Variants in SHISA9 observed in about 807,000 individuals in gnomAD.
SHISA9 encodes the protein shisa family member 9, also known as protein shisa-9.
SHISA9 carries 13 observed loss-of-function variants against 38.0 expected under a neutral mutation model. The observed-to-expected ratio is 0.34, with a 90% CI of 0.22 to 0.54. The LOEUF (loss-of-function observed/expected upper bound fraction) is 0.54, where lower values mean the gene tolerates loss of function less well. Ranked by LOEUF, SHISA9 falls within the 20% of genes least tolerant of loss-of-function variation. The pLI, the probability that SHISA9 is intolerant of heterozygous loss-of-function variation, is 0.91. For synonymous variants in SHISA9, 275 were observed against 242.0 expected (o/e 1.14, Z -1.27); for missense variants, 538 against 575.8 (o/e 0.93, Z 0.67).
intron 2 of SHISA9, among the ~76,000 whole-genome samples, chr16:13,129,763 T>C (rs1233857097): frequency 1.3e-5 from 2 of 152,072 alleles, no homozygotes; most frequent in African/African-American, 4.8e-5. Flanking sequence ...GCAGGGGAAG[T>C]CTGACCTCTA....
chr16:12,922,854 G>T (rs867545076), intron 2 of SHISA9, among the ~76,000 whole-genome samples: 34 of 152,048 alleles, frequency 2.2e-4, no homozygotes, highest in African/African-American at 7.2e-4. Flanking sequence ...TCTCTTGGAA[G>T]TTGTCTCACT....
At chr16:13,296,432 A>T in the SHISA9 span, among the ~76,000 whole-genome samples, 4 of 149,632 alleles carry the variant, frequency 2.7e-5, no homozygotes, top group African/African-American at 5.1e-5. Flanking sequence ...GCAGGGGGGA[A>T]AAAAACAGAT....
At position 13,000,900 on chromosome 16, in the gene SHISA9, A is replaced by G. The variant is rs533076161; in HGVS notation, c.691+84085A>G. ...AGATGAAAATAGCCAGAGAGGGGTC[A>G]GGCAACTGCCCTCATCTTGGGTTGC... On this transcript the variant is annotated intron_variant, in intron 2 of 4. Coordinates refer to ENST00000558583, the MANE Select transcript of SHISA9 (RefSeq NM_001145204.3). Among the ~76,000 whole-genome samples the G allele has an allele frequency of 2.9e-4, 44 of 152,286 alleles. 1 individual carries two copies. In the South Asian group the frequency reaches 7.7e-3, roughly 27 times the overall value.
At chr16:13,534,579 T>C in the SHISA9 span, among the ~76,000 whole-genome samples, 1 of 152,188 alleles carries the variant, frequency 6.6e-6, no homozygotes, top group Non-Finnish European at 1.5e-5. Flanking sequence ...CCAAAATTAA[T>C]TATTAATTTT....
At chr16:13,334,399 C>G in the SHISA9 span, among the ~76,000 whole-genome samples, 2 of 152,176 alleles carry the variant, frequency 1.3e-5, no homozygotes, top group Non-Finnish European at 2.9e-5. Context: ...GCAGAGGGTT[C>G]TTCTGTCTCC....
the SHISA9 span, among the ~76,000 whole-genome samples, chr16:13,281,494 T>C: frequency 6.6e-6 from 1 of 151,708 alleles, no homozygotes; most frequent in Non-Finnish European, 1.5e-5. Context: ...AATTACTGAA[T>C]TGATTGTATT....
At chr16:12,918,144 A>G (rs954816470) in intron 2 of SHISA9, among the ~76,000 whole-genome samples, 1 of 152,216 alleles carries the variant, frequency 6.6e-6, no homozygotes, top group Non-Finnish European at 1.5e-5. Flanking sequence ...AACATTTTAG[A>G]ACAAAATACA....
At chr16:13,027,943 A>C (rs1410527633) in intron 2 of SHISA9, among the ~76,000 whole-genome samples, 1 of 151,024 alleles carries the variant, frequency 6.6e-6, no homozygotes, top group East Asian at 1.9e-4. Context: ...CAAAAAAAAA[A>C]AAAAAAAAAA....
intron 2 of SHISA9, among the ~76,000 whole-genome samples, chr16:13,071,281 C>G (rs961907645): frequency 1.3e-5 from 2 of 152,116 alleles, no homozygotes; most frequent in African/African-American, 4.8e-5. Flanking sequence ...TCTGGTTTTC[C>G]CATACTAGGG....
intron 2 of SHISA9, among the ~76,000 whole-genome samples, chr16:13,158,709 C>T (rs2050568647): frequency 6.6e-6 from 1 of 151,986 alleles, no homozygotes; most frequent in Admixed American, 6.6e-5. Context: ...CTTTCCAAGG[C>T]CCATAAGATG....
chr16:13,373,155 C>A, the SHISA9 span, among the ~76,000 whole-genome samples: 1 of 152,112 alleles, frequency 6.6e-6, no homozygotes, highest in African/African-American at 2.4e-5. Flanking sequence ...AGTTGCTCCC[C>A]TGACTCCAAG....
At chr16:12,989,901 C>T (rs538632175) in intron 2 of SHISA9, among the ~76,000 whole-genome samples, 1 of 151,932 alleles carries the variant, frequency 6.6e-6, no homozygotes, top group Non-Finnish European at 1.5e-5. Context: ...AAGCCGAGCA[C>T]GCATTAGCTA....
chr16:13,468,273 T>C, the SHISA9 span, among the ~76,000 whole-genome samples: 1 of 152,170 alleles, frequency 6.6e-6, no homozygotes, highest in African/African-American at 2.4e-5. Context: ...CAACAACTAT[T>C]GACTGAGTTC....
chr16:13,296,506 A>G, the SHISA9 span, among the ~76,000 whole-genome samples: 906 of 152,126 alleles, frequency 6.0e-3, 8 homozygotes, highest in African/African-American at 0.02. Context: ...TGGAAGGGCC[A>G]CATTCTGTCT....
chr16:12,970,331 A>ATATATACATATATG (rs1555504213), intron 2 of SHISA9, among the ~76,000 whole-genome samples: 7 of 79,440 alleles, frequency 8.8e-5, no homozygotes, highest in African/African-American at 3.6e-4. Context: ...ATATACATAT[A>ATATATACATATATG]TATATATATA....
chr16:13,541,906 C>G, the SHISA9 span, among the ~76,000 whole-genome samples: 3 of 152,212 alleles, frequency 2.0e-5, no homozygotes, highest in Non-Finnish European at 4.4e-5. Context: ...TCGAATGCTG[C>G]CCCTCAAATT....
chr16:12,954,016 A>G (rs1193079956), intron 2 of SHISA9, among the ~76,000 whole-genome samples: 2 of 152,152 alleles, frequency 1.3e-5, no homozygotes, highest in Admixed American at 1.3e-4. Context: ...GGGGATTACA[A>G]TTTGAGATGA....
At chr16:13,156,649 G>T (rs1247867379) in intron 2 of SHISA9, among the ~76,000 whole-genome samples, 1 of 151,638 alleles carries the variant, frequency 6.6e-6, no homozygotes, top group Non-Finnish European at 1.5e-5. Context: ...CAGGAGAATG[G>T]CGTGAACCTG....
At chr16:13,083,585 C>G (rs571080357) in intron 2 of SHISA9, among the ~76,000 whole-genome samples, 1 of 152,124 alleles carries the variant, frequency 6.6e-6, no homozygotes, top group Non-Finnish European at 1.5e-5. Context: ...TGATTCCATG[C>G]GAAGCCCTAA....
Sources: gnomAD v4.1 joint callset for allele counts (sites outside exome capture counted in the v4.1 genomes callset) on GRCh38, gnomAD v4.1.1 for gene constraint, MANE v1.5 for transcripts, NCBI Gene and HGNC (gene_info 2026-07-23, HGNC 2026-07-21) for gene names.